Variants in SMCHD1 observed in about 807,000 individuals in gnomAD.
SMCHD1 encodes structural maintenance of chromosomes flexible hinge domain containing 1.
A neutral mutation model predicts 254.7 loss-of-function variants in SMCHD1; 78 were observed. That is an observed-to-expected ratio of 0.31 (90% CI 0.26 to 0.37). The LOEUF (loss-of-function observed/expected upper bound fraction) is 0.37, where lower values mean the gene tolerates loss of function less well. Among genes scored for constraint, SMCHD1 ranks in the 10% least tolerant of loss-of-function variants. The pLI, the probability that SMCHD1 is intolerant of heterozygous loss-of-function variation, is 1.00. For missense variants in SMCHD1, 1,840 were observed against 2,408.1 expected (o/e 0.76, Z 4.94); for synonymous variants, 766 against 794.9 (o/e 0.96, Z 0.61).
chr18:2,728,232 A>G (rs2075063299), intron 22 of SMCHD1: 1 of 439,618 alleles, frequency 2.3e-6, no homozygotes, highest in African/African-American at 2.1e-5. Flanking sequence ...AATAAAACTT[A>G]GCCTAGACAC....
chr18:2,715,829 C>T (rs190703953), intron 17 of SMCHD1, among the ~76,000 whole-genome samples: 8 of 152,112 alleles, frequency 5.3e-5, no homozygotes, highest in African/African-American at 1.9e-4. Flanking sequence ...TCACCCAGGG[C>T]AACAGAGCAA....
chr18:2,750,451 G>A lies in SMCHD1; in HGVS notation c.4109G>A (p.Arg1370His), dbSNP rs185137363. 47 of 1,610,934 alleles carry A rather than the reference G, an allele frequency of 2.9e-5. No individual in the cohort carries two copies. The highest frequency in any genetic ancestry group is 1.5e-4 in the African/African-American group (11 of 74,982). Reference protein sequence around the residue: ...MILPDPEKPVRLNVKYDKDAS... With the variant: ...MILPDPEKPVHLNVKYDKDAS... ...CTTCCAGACCCAGAAAAACCCGTTC[G>A]TCTCAATGTTAAATATGACAAAGAT... The change falls in exon 32 of 48, where the codon CGT becomes CAT. Residue 1370 changes from arginine (R) to histidine (H), a missense_variant. Physicochemically the swap from Arg to His is conservative, Grantham distance 29. This residue lies in a region of SMCHD1 where 881 missense variants were observed against 1,009.5 expected (regional missense o/e 0.87). Coordinates refer to ENST00000320876, the MANE Select transcript of SMCHD1 (RefSeq NM_015295.3).
At chr18:2,699,723 A>C (rs2074359738) in intron 10 of SMCHD1, among the ~76,000 whole-genome samples, 1 of 152,250 alleles carries the variant, frequency 6.6e-6, no homozygotes, top group South Asian at 2.1e-4. Context: ...TGCTGCCTTA[A>C]AAAGAAGAGC....
At chr18:2,764,270 C>T (rs2075832081) in intron 37 of SMCHD1, among the ~76,000 whole-genome samples, 1 of 152,078 alleles carries the variant, frequency 6.6e-6, no homozygotes, top group Non-Finnish European at 1.5e-5. Context: ...TATTACCTTC[C>T]AGAGTTTCGG....
intron 34 of SMCHD1, 166 bp downstream of exon 34, chr18:2,752,718 T>G: frequency 1.8e-6 from 1 of 555,774 alleles, no homozygotes; most frequent in South Asian, 2.2e-5. Flanking sequence ...TGTTTTCGTT[T>G]TTAAGCATTA....
At chr18:2,707,382 T>A (rs542954717) in intron 15 of SMCHD1, 181 bp from the exon 16 acceptor site, 1 of 371,532 alleles carries the variant, frequency 2.7e-6, no homozygotes, top group Non-Finnish European at 4.8e-6. Context: ...TTTTTTTCAG[T>A]AGCCACAGGA....
chr18:2,694,982 A>G (rs2074255777), intron 8 of SMCHD1, among the ~76,000 whole-genome samples: 1 of 152,318 alleles, frequency 6.6e-6, no homozygotes, highest in South Asian at 2.1e-4. Context: ...TGAGCACTAT[A>G]TCACTTCCAT....
chr18:2,770,761 C>T (rs1246768749), intron 39 of SMCHD1, among the ~76,000 whole-genome samples: 1 of 152,152 alleles, frequency 6.6e-6, no homozygotes, highest in African/African-American at 2.4e-5. Flanking sequence ...GCTAGGATTA[C>T]AGGCACATGC....
intron 7 of SMCHD1, 113 bp downstream of exon 7, chr18:2,688,860 A>G: frequency 1.6e-6 from 1 of 642,016 alleles, no homozygotes; most frequent in Non-Finnish European, 2.4e-6. Flanking sequence ...TCCTTTAGTC[A>G]TAATAACAAA....
chr18:2,792,496 T>A (rs146083109), intron 45 of SMCHD1, among the ~76,000 whole-genome samples: 35 of 152,316 alleles, frequency 2.3e-4, no homozygotes, highest in African/African-American at 8.4e-4. Context: ...AACACATGAC[T>A]GCACAGGGTT....
chr18:2,788,746 A>C (rs1421919294), intron 45 of SMCHD1, among the ~76,000 whole-genome samples: 1 of 151,984 alleles, frequency 6.6e-6, no homozygotes, highest in Non-Finnish European at 1.5e-5. Flanking sequence ...TTACAGGTGC[A>C]CGCCTCCATA....
chr18:2,772,369 A>G lies in SMCHD1; in HGVS notation c.5172A>G (p.Gly1724=). ...CTAAAGGCAGTGGAGATGTTTTGGG[A>G]AAGGTTTGTGTTTATTAAGCCTTTT... ...NYTKGSGDVL[G]KIAHLAQIED... The change falls in exon 41 of 48, where the codon GGA becomes GGG. Residue 1724 remains glycine, a synonymous_variant. Transcript: ENST00000320876. 1 of 1,559,608 alleles carries G rather than the reference A, an allele frequency of 6.4e-7. No homozygotes were observed. The highest frequency in any genetic ancestry group is 8.6e-7 in the Non-Finnish European group (1 of 1,158,912).
intron 5 of SMCHD1, among the ~76,000 whole-genome samples, chr18:2,675,838 T>C (rs2073735637): frequency 6.6e-6 from 1 of 152,190 alleles, no homozygotes; most frequent in African/African-American, 2.4e-5. Context: ...TTCTCTCTAG[T>C]TCTTAGAACA....
At position 2,656,182 on chromosome 18, in the gene SMCHD1, A is replaced by G; in HGVS notation, c.107A>G (p.Lys36Arg). Residue 36 changes from lysine (K) to arginine (R), a missense_variant, in exon 1 of 48, where the codon AAG (lysine) becomes AGG (arginine). Coordinates refer to ENST00000320876, the MANE Select transcript of SMCHD1 (RefSeq NM_015295.3). ...GTGTACTTGTTTGATCGGCGCGAAA[A>G]GGAGTCCGAGCTCGGGGACCGGCCT... is the stretch of plus-strand genomic sequence containing the variant. ...RTVYLFDRRE[K>R]ESELGDRPLQ... 1 of 1,509,032 alleles carries G rather than the reference A, an allele frequency of 6.6e-7. No homozygotes were observed. The highest frequency in any genetic ancestry group is 8.8e-7 in the Non-Finnish European group (1 of 1,132,750). 93.5% of individuals were successfully genotyped at this position (1,509,032 alleles called of 1,614,324 possible).
At chr18:2,711,400 G>C (rs556732194) in intron 17 of SMCHD1, among the ~76,000 whole-genome samples, 1 of 149,606 alleles carries the variant, frequency 6.7e-6, no homozygotes, top group African/African-American at 2.5e-5. Context: ...ACGTAGCCTT[G>C]TTTGTTTTTT....
chr18:2,755,340 T>TA (rs2075652470), intron 34 of SMCHD1, among the ~76,000 whole-genome samples: 1 of 152,012 alleles, frequency 6.6e-6, no homozygotes, highest in Non-Finnish European at 1.5e-5. Flanking sequence ...ACTTGGTTGA[T>TA]TTTTTAATTT....
intron 41 of SMCHD1, among the ~76,000 whole-genome samples, chr18:2,774,840 A>T (rs193262516): frequency 6.6e-6 from 1 of 152,362 alleles, no homozygotes; most frequent in East Asian, 1.9e-4. Flanking sequence ...TGGCCACAGT[A>T]GTCCAATCTT....
chr18:2,684,176 G>A (rs906937218), intron 5 of SMCHD1, among the ~76,000 whole-genome samples: 1 of 151,960 alleles, frequency 6.6e-6, no homozygotes, highest in African/African-American at 2.4e-5. Context: ...AAAATCTGAA[G>A]AAAATTCACC....
intron 27 of SMCHD1, among the ~76,000 whole-genome samples, chr18:2,740,313 T>G (rs1432032410): frequency 1.5e-4 from 23 of 152,324 alleles, no homozygotes; most frequent in Admixed American, 1.3e-3. Flanking sequence ...TGTGCCACAT[T>G]TTCTTTATCT....
Sources: allele counts gnomAD v4.1 joint callset (sites outside exome capture counted in the v4.1 genomes callset), GRCh38; gene constraint gnomAD v4.1.1; regional missense constraint gnomAD v4.1.1; transcripts MANE v1.5; gene names NCBI Gene and HGNC (gene_info 2026-07-23, HGNC 2026-07-21).